The following IL17RC variants were observed in gnomAD, a reference collection of about 807,000 sequenced individuals.
IL17RC encodes interleukin-17 receptor C.
A neutral mutation model predicts 86.7 loss-of-function variants in IL17RC; 53 were observed. The observed-to-expected ratio is 0.61, with a 90% CI of 0.49 to 0.77. The LOEUF (loss-of-function observed/expected upper bound fraction) is 0.77, where lower values mean the gene tolerates loss of function less well. IL17RC is among the 30% of genes least tolerant of loss of function. The pLI is 0.00. For missense variants in IL17RC, 957 were observed against 940.0 expected (o/e 1.02, Z -0.24); for synonymous variants, 439 against 413.1 (o/e 1.06, Z -0.76).
At chr3:9,922,604 G>A (rs538582502) in intron 7 of IL17RC, among the ~76,000 whole-genome samples, 4 of 152,190 alleles carry the variant, frequency 2.6e-5, no homozygotes, top group Admixed American at 6.5e-5. Flanking sequence ...CAAAAAACCC[G>A]ACCCCACGGA....
chr3:9,927,490 G>A (rs1246823267), intron 9 of IL17RC, among the ~76,000 whole-genome samples: 6 of 152,134 alleles, frequency 3.9e-5, no homozygotes, highest in African/African-American at 1.4e-4. Context: ...CCCAGGAGGC[G>A]GAGGTTGTGG....
intron 9 of IL17RC, among the ~76,000 whole-genome samples, chr3:9,925,491 C>T (rs1243301470): frequency 1.3e-5 from 2 of 151,810 alleles, no homozygotes; most frequent in African/African-American, 4.8e-5. Context: ...TTTTCTTTCC[C>T]CCTCCTCTCC....
chr3:9,930,413 T>G lies in IL17RC; in HGVS notation c.1292T>G (p.Leu431Arg), dbSNP rs759363243. Residue 431 changes from leucine to arginine, a missense_variant, in exon 15 of 19, where the codon CTT becomes CGT. Coordinates refer to ENST00000403601, the MANE Select transcript of IL17RC (RefSeq NM_153460.4). This position sits in a 1 kb window ranked among gnomAD's most constrained non-coding sequence, Gnocchi z 5.8. ...TTGGCTTGGCAGAGGGCAGCTCGCC[T>G]TGGAGAGTACTTACTACAAGACCTG... The part of the protein sequence containing the change: ...PSKASTRAAR[L>R]GEYLLQDLQS... 5.6e-6 allele frequency: 9 copies of G among 1,614,074 alleles called. No individual in the cohort carries two copies. The highest frequency in any genetic ancestry group is 7.6e-6 in the Non-Finnish European group (9 of 1,180,036).
intron 9 of IL17RC, among the ~76,000 whole-genome samples, chr3:9,926,683 C>T (rs2084113407): frequency 3.3e-5 from 5 of 151,552 alleles, no homozygotes; most frequent in African/African-American, 4.9e-5. Context: ...AGTACAGTGG[C>T]GTGATCTCGG....
chr3:9,931,444 TTA>T (rs1436673649), intron 16 of IL17RC, among the ~76,000 whole-genome samples: 5 of 134,074 alleles, frequency 3.7e-5, no homozygotes, highest in African/African-American at 1.7e-4. Flanking sequence ...GATCAAATTT[TTA>T]TATATTTCAC....
chr3:9,932,107 A>G (rs1429789841), intron 16 of IL17RC, among the ~76,000 whole-genome samples: 1 of 152,194 alleles, frequency 6.6e-6, no homozygotes, highest in Non-Finnish European at 1.5e-5. Flanking sequence ...TACAGAGGAG[A>G]AAACTGAGGC....
intron 16 of IL17RC, among the ~76,000 whole-genome samples, chr3:9,931,468 CACAT>C (rs1271914041): frequency 0.028 from 500 of 17,840 alleles, 9 homozygotes; most frequent in Non-Finnish European, 0.08. Context: ...CACACACACA[CACAT>C]ATATATATAT....
rs560439703 is a variant in IL17RC at position 9,926,896 on chromosome 3, A to G, written c.823-1270A>G. ...TGGCCTCCCAAAGTGCTGGGATTAC[A>G]GGGGTGAGCCACCGCGCCCAGCCTT... is the stretch of plus-strand genomic sequence containing the variant. On this transcript the variant is annotated intron_variant, in intron 9 of 18. Coordinates refer to ENST00000403601, the MANE Select transcript of IL17RC (RefSeq NM_153460.4). Among the ~76,000 whole-genome samples, 27 of 152,314 alleles carry G rather than the reference A, an allele frequency of 1.8e-4. No individual in the cohort carries two copies. In the South Asian group the frequency reaches 5.6e-3, roughly 32 times the overall value.
chr3:9,931,470 C>CACACACACACATATATATAT (rs750351615), intron 16 of IL17RC, among the ~76,000 whole-genome samples: 5 of 43,720 alleles, frequency 1.1e-4, no homozygotes, highest in South Asian at 8.9e-4. Context: ...CACACACACA[C>CACACACACACATATATATAT]ATATATATAT....
chr3:9,931,498 T>C (rs967287724), intron 16 of IL17RC, among the ~76,000 whole-genome samples: 3 of 144,112 alleles, frequency 2.1e-5, no homozygotes, highest in Non-Finnish European at 4.5e-5. Flanking sequence ...TATATATATA[T>C]ATATACTTAT....
chr3:9,928,418 C>T lies in IL17RC; in HGVS notation c.991C>T (p.Arg331Trp), dbSNP rs146328564. 325 of 1,606,612 alleles carry T rather than the reference C, an allele frequency of 2.0e-4. No homozygotes were observed. The highest frequency in any genetic ancestry group is 4.2e-4 in the Admixed American group (25 of 59,378). ...SLPAEAALCW[R>W]APGGDPCQPL... ...GCCCGCAGAAGCGGCACTGTGCTGG[C>T]GGGCTCCGGGTGGGGACCCCTGCCA... The change falls in exon 11 of 19, where the codon CGG (arginine) becomes TGG (tryptophan). Residue 331 changes from arginine to tryptophan, a missense_variant. Physicochemically the swap from Arg to Trp is moderately radical, Grantham distance 101. Coordinates refer to ENST00000403601, the MANE Select transcript of IL17RC (RefSeq NM_153460.4).
intron 9 of IL17RC, among the ~76,000 whole-genome samples, chr3:9,926,337 T>C (rs1401353396): frequency 6.6e-6 from 1 of 152,140 alleles, no homozygotes; most frequent in African/African-American, 2.4e-5. Flanking sequence ...CAGCCTGTTT[T>C]CATTTTTTAA....
rs751383602 is a variant in IL17RC, at chr3:9,933,168, C to T, written c.1738C>T (p.Leu580Phe). Residue 580 changes from leucine to phenylalanine, a missense_variant, in exon 19 of 19, where the codon CTC becomes TTC. Coordinates refer to ENST00000403601, the MANE Select transcript of IL17RC (RefSeq NM_153460.4). ...TLQEGGVVVL[L>F]FSPGAVALCS... ...GCAGGAGGGCGGCGTGGTGGTCTTG[C>T]TCTTCTCTCCCGGTGCGGTGGCGCT... 1.2e-6 allele frequency: 2 copies of T among 1,606,654 alleles called. No individual in the cohort carries two copies. Among genetic ancestry groups the T allele is most frequent in the Admixed American group, 1.7e-5 (1 of 59,266 alleles).
Position 9,917,739 on chromosome 3 carries a change from G to C in IL17RC, c.127+5G>C, listed in dbSNP as rs1297668257. On this transcript the variant is annotated splice_donor_5th_base_variant and intron_variant, in intron 2 of 18. Transcript: ENST00000403601. The stretch of plus-strand genomic sequence containing the variant: ...GCCTCTCCTGCCGCCTCTGGGGTAA[G>C]TATCCCTACTTTTAAAAAGAATTTC... The C allele has an allele frequency of 2.5e-6, 4 of 1,613,678 alleles. No individual in the cohort carries two copies. Among genetic ancestry groups the C allele is most frequent in the Non-Finnish European group, 3.4e-6 (4 of 1,179,992 alleles).
At chr3:9,932,427 C>G (rs1032141292) in intron 16 of IL17RC, among the ~76,000 whole-genome samples, 181 bp from the exon 17 acceptor site, 1 of 152,128 alleles carries the variant, frequency 6.6e-6, no homozygotes, top group Non-Finnish European at 1.5e-5. Context: ...GGGGTTTCAC[C>G]GTGTTAGCCA....
Position 9,932,664 on chromosome 3 carries a change from C to G in IL17RC, c.1444C>G (p.Leu482Val). ...WLACLLFAAA[L>V]SLILLLKKDH... ...GGCCTGCCTACTCTTTGCCGCTGCG[C>G]TTTCCCTCATCCTCCTTCTCAAAAA... is the stretch of plus-strand genomic sequence containing the variant. The change falls in exon 17 of 19, where the codon CTT (leucine) becomes GTT (valine). Residue 482 changes from leucine to valine, a missense_variant. By Grantham distance (32) the Leu-to-Val change is conservative. Transcript: ENST00000403601. 6.2e-7 allele frequency: 1 copy of G among 1,614,246 alleles called. No individual in the cohort carries two copies. Among genetic ancestry groups the G allele is most frequent in the African/African-American group, 1.3e-5 (1 of 75,062 alleles).
chr3:9,930,933 C>T lies in IL17RC; in HGVS notation c.1377C>T (p.Pro459=), dbSNP rs1575598351. ...DDDLGALWAC[P]MDKYIHKRWA... ...ACTTGGGAGCGCTATGGGCCTGCCCCATGGACAAATGTGAGTATTGTAAGA... is the reference window on the plus strand; with the variant it reads ...ACTTGGGAGCGCTATGGGCCTGCCCTATGGACAAATGTGAGTATTGTAAGA... The change falls in exon 16 of 19, where the codon CCC becomes CCT. Residue 459 remains proline, a synonymous_variant. Transcript: ENST00000403601. This position sits in a 1 kb window ranked among gnomAD's most constrained non-coding sequence, Gnocchi z 5.8. The T allele has an allele frequency of 6.2e-7, 1 of 1,613,886 alleles. No homozygotes were observed. Among genetic ancestry groups the T allele is most frequent in the Non-Finnish European group, 8.5e-7 (1 of 1,179,770 alleles).
At chr3:9,932,514 G>A (rs770820924) in intron 16 of IL17RC, 94 bp from the exon 17 acceptor site, 4 of 1,170,096 alleles carry the variant, frequency 3.4e-6, no homozygotes, top group South Asian at 1.2e-5. Context: ...AAAGGCATGA[G>A]CCACCGCACC....
chr3:9,929,722 C>T, intron 12 of IL17RC, 130 bp from the exon 13 acceptor site: 1 of 913,420 alleles, frequency 1.1e-6, no homozygotes, highest in Non-Finnish European at 1.8e-6. Flanking sequence ...CTTGAATCCA[C>T]ATCTGCCTCA....
Sources: gnomAD v4.1 joint callset for allele counts (sites outside exome capture counted in the v4.1 genomes callset) on GRCh38, gnomAD v4.1.1 for gene constraint, Gnocchi (gnomAD v3.1) non-coding constraint, MANE v1.5 for transcripts, NCBI Gene and HGNC (gene_info 2026-07-23, HGNC 2026-07-21) for gene names.